Variants in WASF1 observed in about 807,000 individuals in gnomAD.
WASF1 encodes the protein actin-binding protein WASF1.
Under a neutral mutation model 50.5 loss-of-function variants are expected in WASF1, and 7 were observed. The observed-to-expected ratio is 0.14, with a 90% confidence interval of 0.08 to 0.26. WASF1 has a LOEUF of 0.26. Ranked by LOEUF, WASF1 falls within the 10% of genes least tolerant of loss-of-function variation. The pLI is 1.00. For synonymous variants in WASF1, 205 were observed against 244.0 expected (o/e 0.84, Z 1.49); for missense variants, 470 against 694.7 (o/e 0.68, Z 3.64).
At chr6:110,176,947 T>G (rs769428382) in intron 2 of WASF1, among the ~76,000 whole-genome samples, 18 of 152,104 alleles carry the variant, frequency 1.2e-4, no homozygotes, top group Non-Finnish European at 2.4e-4. Context: ...TAACATAATC[T>G]TTTGATAGTA....
intron 3 of WASF1, among the ~76,000 whole-genome samples, chr6:110,144,419 TTCACTCTGA>T (rs1775433684): frequency 6.6e-6 from 1 of 152,230 alleles, no homozygotes; most frequent in South Asian, 2.1e-4. Context: ...AGTTTGCCTG[TTCACTCTGA>T]TGGTGGTTTC....
intron 8 of WASF1, among the ~76,000 whole-genome samples, chr6:110,103,783 G>A (rs1279941647): frequency 6.6e-6 from 1 of 152,074 alleles, no homozygotes; most frequent in Non-Finnish European, 1.5e-5. Context: ...GATGACCATC[G>A]GTTATTTTAT....
Position 110,168,173 on chromosome 6 carries a change from G to A in WASF1, c.-126-7441C>T, listed in dbSNP as rs192350524. 7.3e-4 allele frequency among the ~76,000 whole-genome samples: 111 copies of A among 152,000 alleles called. 3 individuals carry two copies. The East Asian group carries it at 0.02, about 28-fold the overall frequency. ...GACCTCTCACATAACAGTTAATAACGAGTGAATTTAATTAAAATTGTTGAG... is the reference window on the plus strand; with the variant it reads ...GACCTCTCACATAACAGTTAATAACAAGTGAATTTAATTAAAATTGTTGAG... On this transcript the variant is annotated intron_variant, in intron 2 of 10. Transcript: ENST00000392589.
chr6:110,173,334 A>T (rs1776794895), intron 2 of WASF1, among the ~76,000 whole-genome samples: 1 of 152,144 alleles, frequency 6.6e-6, no homozygotes, highest in Non-Finnish European at 1.5e-5. Flanking sequence ...AAACAAAAAA[A>T]CTTTGCTGTC....
Position 110,100,534 on chromosome 6 carries a change from A to G in WASF1, c.1668T>C (p.Asp556=), listed in dbSNP as rs1191282800. The change falls in exon 11 of 11, where the codon GAT becomes GAC. Residue 556 remains aspartate (D), a synonymous_variant. Transcript: ENST00000392589. ...SEDDSEFDEV[D]WLE Reference sequence around the variant, plus strand: ...CAATGCATTTTTCTTACTCCAACCAATCTACTTCATCAAATTCTGAATCAT... The same window carrying G: ...CAATGCATTTTTCTTACTCCAACCAGTCTACTTCATCAAATTCTGAATCAT... 6.2e-7 allele frequency: 1 copy of G among 1,611,804 alleles called. No homozygotes were observed. The highest frequency in any genetic ancestry group is 2.2e-5 in the East Asian group (1 of 44,726).
At chr6:110,152,108 ATC>A (rs1388977582) in intron 3 of WASF1, among the ~76,000 whole-genome samples, 1 of 152,198 alleles carries the variant, frequency 6.6e-6, no homozygotes, top group Non-Finnish European at 1.5e-5. Context: ...ATGGTCAATT[ATC>A]AGCTGACCTT....
Position 110,131,733 on chromosome 6 carries a change from G to A in WASF1, c.-28-4104C>T, listed in dbSNP as rs1027659799. ...GTCCAGGCTGGTCTCAAACTCCTCA[G>A]CTCAGACAATTGACCCACCTCAGCC... On this transcript the variant is annotated intron_variant, in intron 3 of 10. Coordinates refer to ENST00000392589, the MANE Select transcript of WASF1 (RefSeq NM_003931.3). Among the ~76,000 whole-genome samples the A allele has an allele frequency of 3.9e-5, 6 of 152,068 alleles. 1 individual carries two copies. Among genetic ancestry groups the A allele is most frequent in the Admixed American group, 3.3e-4 (5 of 15,264 alleles).
At chr6:110,141,795 G>A (rs1293673111) in intron 3 of WASF1, among the ~76,000 whole-genome samples, 2 of 150,688 alleles carry the variant, frequency 1.3e-5, no homozygotes, top group African/African-American at 2.4e-5. Flanking sequence ...TCTTTGAGTC[G>A]GAGTCTCGCT....
intron 3 of WASF1, among the ~76,000 whole-genome samples, chr6:110,143,159 T>A (rs574440376): frequency 9.8e-4 from 148 of 151,652 alleles, no homozygotes; most frequent in African/African-American, 2.5e-3. Flanking sequence ...TTTTTAATTT[T>A]AAAAAAAACC....
chr6:110,101,484 G>T, intron 10 of WASF1, 104 bp downstream of exon 10: 1 of 1,443,204 alleles, frequency 6.9e-7, no homozygotes, highest in Non-Finnish European at 9.3e-7. Flanking sequence ...ACACAAACAT[G>T]ATCACCTAAA....
Position 110,100,618 on chromosome 6 carries a change from T to G in WASF1, c.1584A>C (p.Glu528Asp). Residue 528 changes from glutamate to aspartate, a missense_variant, in exon 11 of 11, where the codon GAA becomes GAC. This residue lies in a region of WASF1 where 36 missense variants were observed against 90.7 expected (regional missense o/e 0.40). Coordinates refer to ENST00000392589, the MANE Select transcript of WASF1 (RefSeq NM_003931.3). ...REQEAKHERI[E>D]NDVATILSRR... ...GAGACAGGATGGTGGCAACATCGTTTTCAATGCGTTCATGCTTAGCTTCCT... is the reference window on the plus strand; with the variant it reads ...GAGACAGGATGGTGGCAACATCGTTGTCAATGCGTTCATGCTTAGCTTCCT... 1 of 1,613,794 alleles carries G rather than the reference T, an allele frequency of 6.2e-7. No homozygotes were observed. The highest frequency in any genetic ancestry group is 8.5e-7 in the Non-Finnish European group (1 of 1,179,870).
intron 3 of WASF1, among the ~76,000 whole-genome samples, chr6:110,150,860 A>G (rs1336501082): frequency 6.6e-6 from 1 of 151,684 alleles, no homozygotes; most frequent in Non-Finnish European, 1.5e-5. Context: ...ACATGGTAAA[A>G]CCCCGTTTCT....
chr6:110,119,007 C>A (rs1157322035), intron 4 of WASF1, among the ~76,000 whole-genome samples: 1 of 152,282 alleles, frequency 6.6e-6, no homozygotes, highest in Non-Finnish European at 1.5e-5. Context: ...AGAACAAAGA[C>A]ACAAAGTACC....
At chr6:110,150,084 A>C (rs1196817882) in intron 3 of WASF1, among the ~76,000 whole-genome samples, 1 of 152,156 alleles carries the variant, frequency 6.6e-6, no homozygotes, top group Non-Finnish European at 1.5e-5. Context: ...CAATACCCTA[A>C]AAGATTTTCA....
chr6:110,134,727 A>G (rs770252168), intron 3 of WASF1, among the ~76,000 whole-genome samples: 7 of 152,080 alleles, frequency 4.6e-5, no homozygotes, highest in Non-Finnish European at 1.0e-4. Context: ...CACCCGGCCT[A>G]TGTGCCTATT....
chr6:110,158,250 T>C (rs1355970972), intron 3 of WASF1, among the ~76,000 whole-genome samples: 2 of 50,842 alleles, frequency 3.9e-5, no homozygotes, highest in African/African-American at 9.8e-5. Context: ...TATTGGTCTA[T>C]TCAGAGATTC....
intron 3 of WASF1, among the ~76,000 whole-genome samples, chr6:110,150,160 T>G (rs1775760434): frequency 6.6e-6 from 1 of 152,130 alleles, no homozygotes; most frequent in Admixed American, 6.5e-5. Flanking sequence ...CAATAAATAT[T>G]TACAGATTAC....
intron 8 of WASF1, among the ~76,000 whole-genome samples, chr6:110,104,957 T>C (rs1583920440): frequency 6.6e-6 from 1 of 152,144 alleles, no homozygotes; most frequent in Non-Finnish European, 1.5e-5. Flanking sequence ...AAAGTCCTAA[T>C]ATATCTGAGG....
At chr6:110,163,621 A>G (rs1776353081) in intron 2 of WASF1, among the ~76,000 whole-genome samples, 1 of 151,578 alleles carries the variant, frequency 6.6e-6, no homozygotes, top group African/African-American at 2.4e-5. Flanking sequence ...TCCATAACAG[A>G]TAAGAAAACT....
Sources: gnomAD v4.1 joint callset for allele counts (sites outside exome capture counted in the v4.1 genomes callset) on GRCh38, gnomAD v4.1.1 for gene constraint, gnomAD v4.1.1 regional missense constraint, MANE v1.5 for transcripts, NCBI Gene and HGNC (gene_info 2026-07-23, HGNC 2026-07-21) for gene names.